The following BIVM variants were observed in gnomAD, a reference collection of about 807,000 sequenced individuals.
BIVM encodes the protein basic immunoglobulin-like variable motif-containing protein.
A neutral mutation model predicts 61.4 loss-of-function variants in BIVM; 31 were observed. The observed-to-expected ratio is 0.51, with a 90% CI of 0.38 to 0.68. The LOEUF is 0.68. Among genes scored for constraint, BIVM ranks in the 30% least tolerant of loss-of-function variants. The pLI is 0.00. For missense variants in BIVM, 526 were observed against 596.0 expected, an observed-to-expected ratio of 0.88 and a Z score of 1.22; for synonymous variants, 189 against 210.7, an observed-to-expected ratio of 0.90 and a Z score of 0.89.
chr13:102,821,038 T>C lies in BIVM; in HGVS notation c.607T>C (p.Tyr203His), dbSNP rs571502179. 1.2e-6 allele frequency: 2 copies of C among 1,609,840 alleles called. No individual in the cohort carries two copies. The highest frequency in any genetic ancestry group is 2.7e-5 in the African/African-American group (2 of 74,822). Reference protein sequence around the residue: ...QRKVLDLRRWYCISRPQYKTS... With the variant: ...QRKVLDLRRWHCISRPQYKTS... ...GAAAACAGTCTTTTGTGTTCTCAGGTACTGCATAAGCCGACCACAGTATAA... is the reference window on the plus strand; with the variant it reads ...GAAAACAGTCTTTTGTGTTCTCAGGCACTGCATAAGCCGACCACAGTATAA... Residue 203 changes from tyrosine (Y) to histidine (H), a missense_variant and splice_region_variant, in exon 5 of 11, where the codon TAC (tyrosine) becomes CAC (histidine). Coordinates refer to ENST00000257336, the MANE Select transcript of BIVM (RefSeq NM_017693.4).
In BIVM at chr13:102,832,682, G is replaced by C. The variant is rs1295207926; in HGVS notation, c.1034+985G>C. On this transcript the variant is annotated intron_variant, in intron 8 of 10. Coordinates refer to ENST00000257336, the MANE Select transcript of BIVM (RefSeq NM_017693.4). Reference sequence around the variant, plus strand: ...TCTTAAAGTGAAGAATATGGAATTTGTCTGGGTTCCCCCTTTGTCCTGATT... The same window carrying C: ...TCTTAAAGTGAAGAATATGGAATTTCTCTGGGTTCCCCCTTTGTCCTGATT... 3.3e-5 allele frequency among the ~76,000 whole-genome samples: 5 copies of C among 152,182 alleles called. No individual in the cohort carries two copies. In the East Asian group the frequency reaches 9.6e-4, roughly 29 times the overall value.
At position 102,810,608 on chromosome 13, in the gene BIVM, A is replaced by G. The variant is rs974688427; in HGVS notation, c.478+2863A>G. ...TTTCAGTTATTGATGTTATCAAATT[A>G]CAAATTTATATATTGTGTGTCTGAA... On this transcript the variant is annotated intron_variant, in intron 3 of 10. Transcript: ENST00000257336. Among the ~76,000 whole-genome samples the G allele has an allele frequency of 3.9e-5, 6 of 152,268 alleles. No individual in the cohort carries two copies. The South Asian group carries it at 1.2e-3, about 31-fold the overall frequency.
intron 8 of BIVM, among the ~76,000 whole-genome samples, chr13:102,831,969 C>T (rs112179853): frequency 0.3 from 43,390 of 145,152 alleles, 6,490 homozygotes; most frequent in Admixed American, 0.39. Context: ...GGCGTGAACC[C>T]GGGAGGCAGA....
intron 4 of BIVM, among the ~76,000 whole-genome samples, chr13:102,818,522 C>T (rs755528088): frequency 6.6e-6 from 1 of 152,250 alleles, no homozygotes; most frequent in South Asian, 2.1e-4. Context: ...AGGTTTTGCT[C>T]GTTTGTGCTT....
chr13:102,809,952 C>A (rs896129394), intron 3 of BIVM, among the ~76,000 whole-genome samples: 1 of 152,016 alleles, frequency 6.6e-6, no homozygotes, highest in Admixed American at 6.6e-5. Context: ...TGCCCGGCTA[C>A]TTTTTTGTAT....
At chr13:102,833,569 C>T (rs533876694) in intron 8 of BIVM, among the ~76,000 whole-genome samples, 1 of 152,120 alleles carries the variant, frequency 6.6e-6, no homozygotes, top group South Asian at 2.1e-4. Context: ...GTGATCTGAC[C>T]ATGTCAGTCT....
chr13:102,825,309 G>A (rs1022032207), intron 7 of BIVM, among the ~76,000 whole-genome samples: 2 of 151,688 alleles, frequency 1.3e-5, no homozygotes, highest in Admixed American at 6.6e-5. Flanking sequence ...TATTGCCCAG[G>A]CTAGTCTTGA....
intron 7 of BIVM, among the ~76,000 whole-genome samples, 172 bp from the exon 8 acceptor site, chr13:102,831,393 T>G (rs946304649): frequency 2.0e-5 from 3 of 152,234 alleles, no homozygotes; most frequent in African/African-American, 7.2e-5. Context: ...TAAAACAGAA[T>G]ACATTTATTA....
intron 7 of BIVM, among the ~76,000 whole-genome samples, chr13:102,822,479 C>T (rs565385611): frequency 1.6e-4 from 25 of 152,232 alleles, no homozygotes; most frequent in East Asian, 5.8e-4. Flanking sequence ...TGCGTGTGTA[C>T]GCGCACATGC....
chr13:102,833,367 G>A (rs1023742188), intron 8 of BIVM, among the ~76,000 whole-genome samples: 1 of 73,374 alleles, frequency 1.4e-5, no homozygotes, highest in African/African-American at 3.7e-5. Flanking sequence ...TTGCTGTGTT[G>A]CCCAGACTGG....
intron 9 of BIVM, among the ~76,000 whole-genome samples, chr13:102,835,437 A>T (rs555606473): frequency 6.6e-6 from 1 of 152,300 alleles, no homozygotes; most frequent in Admixed American, 6.5e-5. Flanking sequence ...CTCCAGAAAG[A>T]AACCCCATAC....
chr13:102,816,589 A>G, intron 4 of BIVM, 35 bp downstream of exon 4: 1 of 1,477,434 alleles, frequency 6.8e-7, no homozygotes. Flanking sequence ...TTCATTTTTG[A>G]AATATGTAAT....
chr13:102,834,724 T>C (rs1178155227), intron 9 of BIVM, among the ~76,000 whole-genome samples, 172 bp downstream of exon 9: 1 of 152,216 alleles, frequency 6.6e-6, no homozygotes, highest in Non-Finnish European at 1.5e-5. Flanking sequence ...CACTCTCTAC[T>C]CCTATCAATC....
chr13:102,839,220 T>C (rs552746819), intron 10 of BIVM, among the ~76,000 whole-genome samples: 5 of 152,274 alleles, frequency 3.3e-5, no homozygotes, highest in African/African-American at 1.2e-4. Flanking sequence ...GGAAATGATA[T>C]CTTATTGATG....
chr13:102,801,183 A>G (rs1878733846), intron 1 of BIVM, among the ~76,000 whole-genome samples: 1 of 152,036 alleles, frequency 6.6e-6, no homozygotes, highest in Non-Finnish European at 1.5e-5. Context: ...ATTGCTTATG[A>G]CATGATTTTA....
chr13:102,829,716 G>A (rs908089617), intron 7 of BIVM, among the ~76,000 whole-genome samples: 2 of 151,998 alleles, frequency 1.3e-5, no homozygotes, highest in African/African-American at 4.8e-5. Flanking sequence ...GTGAGTGCAT[G>A]GAATCCCAAT....
chr13:102,802,802 G>A (rs138538677), intron 1 of BIVM, among the ~76,000 whole-genome samples: 2,627 of 147,044 alleles, frequency 0.018, 60 homozygotes, highest in African/African-American at 0.056. Context: ...CTAGAGTGCA[G>A]TGGTGTGATC....
chr13:102,825,356 C>T (rs1354268994), intron 7 of BIVM, among the ~76,000 whole-genome samples: 1 of 152,154 alleles, frequency 6.6e-6, no homozygotes, highest in Non-Finnish European at 1.5e-5. Context: ...CCTCGGCCTC[C>T]CAAAGTGCTG....
intron 1 of BIVM, among the ~76,000 whole-genome samples, chr13:102,804,293 C>T (rs1188975748): frequency 6.6e-6 from 1 of 150,600 alleles, no homozygotes; most frequent in Non-Finnish European, 1.5e-5. Flanking sequence ...TACAGGCATG[C>T]GTCACTACCG....
Sources: gnomAD v4.1 joint callset for allele counts (sites outside exome capture counted in the v4.1 genomes callset) on GRCh38, gnomAD v4.1.1 for gene constraint, MANE v1.5 for transcripts, NCBI Gene and HGNC (gene_info 2026-07-23, HGNC 2026-07-21) for gene names.